Variants in CHST11 observed in about 807,000 individuals in gnomAD.
CHST11 encodes the protein C4S-1.
In CHST11, 9 loss-of-function variants were observed where a neutral mutation model predicts 30.4. The observed-to-expected ratio is 0.30, with a 90% CI of 0.18 to 0.52. The LOEUF (loss-of-function observed/expected upper bound fraction) is 0.52, where lower values mean the gene tolerates loss of function less well. Among genes scored for constraint, CHST11 ranks in the 20% least tolerant of loss-of-function variants. The pLI is 0.97. For missense variants in CHST11, 348 were observed against 460.6 expected, an observed-to-expected ratio of 0.76 and a Z score of 2.24; for synonymous variants, 152 against 187.8, an observed-to-expected ratio of 0.81 and a Z score of 1.56.
intron 2 of CHST11, among the ~76,000 whole-genome samples, chr12:104,655,806 CAG>C (rs1361601850): frequency 2.6e-5 from 4 of 152,232 alleles, no homozygotes; most frequent in African/African-American, 9.6e-5. Flanking sequence ...GTATAGGTGA[CAG>C]AGAGTTCTTC....
chr12:104,507,043 G>C (rs760276136), intron 1 of CHST11, among the ~76,000 whole-genome samples: 8 of 152,182 alleles, frequency 5.3e-5, no homozygotes, highest in Non-Finnish European at 1.0e-4. Flanking sequence ...GAGCACAGCT[G>C]GGGAGAGAGC....
intron 1 of CHST11, among the ~76,000 whole-genome samples, chr12:104,491,763 T>C (rs2037749404): frequency 6.6e-6 from 1 of 152,182 alleles, no homozygotes; most frequent in African/African-American, 2.4e-5. Flanking sequence ...AGGTGTGAGC[T>C]ACTATACTCG....
intron 1 of CHST11, among the ~76,000 whole-genome samples, chr12:104,473,559 G>A (rs2037530697): frequency 1.3e-5 from 2 of 152,198 alleles, no homozygotes; most frequent in South Asian, 2.1e-4. Flanking sequence ...TCCTGGAAGC[G>A]AGACCCAAGT....
chr12:104,482,583 C>A (rs906629830), intron 1 of CHST11, among the ~76,000 whole-genome samples: 1 of 151,976 alleles, frequency 6.6e-6, no homozygotes, highest in Non-Finnish European at 1.5e-5. Context: ...TTGCTTAGAT[C>A]GATGAGACAA....
intron 2 of CHST11, among the ~76,000 whole-genome samples, chr12:104,660,723 T>C (rs190278150): frequency 7.3e-4 from 111 of 152,244 alleles, no homozygotes; most frequent in African/African-American, 2.6e-3. Flanking sequence ...GAAACCCAGC[T>C]CTTGTAAAGG....
chr12:104,533,433 G>T (rs901664388), intron 1 of CHST11, among the ~76,000 whole-genome samples: 10 of 152,142 alleles, frequency 6.6e-5, no homozygotes, highest in African/African-American at 2.4e-4. Context: ...AAGCACCTGG[G>T]GAAGAACTTA....
At position 104,488,651 on chromosome 12, in the gene CHST11, G is replaced by GTA. The variant is rs535429103; in HGVS notation, c.118+31123_118+31124insAT. 1.6e-3 allele frequency among the ~76,000 whole-genome samples: 240 copies of GTA among 151,576 alleles called. 1 individual carries two copies. Among genetic ancestry groups the GTA allele is most frequent in the Admixed American group, 2.7e-3 (41 of 15,222 alleles). On this transcript the variant is annotated intron_variant, in intron 1 of 2. Transcript: ENST00000303694. Reference sequence around the variant, plus strand: ...TATGTGTGTGTGCGTGTGTATGTGTGTGTGTATGTGTGCGTGTATGTGTAT... The same window carrying GTA: ...TATGTGTGTGTGCGTGTGTATGTGTGTATGTGTATGTGTGCGTGTATGTGTAT...
Position 104,757,399 on chromosome 12 carries a change from C to T in CHST11, c.655C>T (p.Arg219Cys), listed in dbSNP as rs763247584. The T allele has an allele frequency of 1.4e-5, 22 of 1,613,988 alleles. No individual in the cohort carries two copies. The East Asian group carries it at 1.6e-4, about 11-fold the overall frequency. Residue 219 changes from arginine to cysteine, a missense_variant, in exon 3 of 3, where the codon CGC becomes TGC. Coordinates refer to ENST00000303694, the MANE Select transcript of CHST11 (RefSeq NM_018413.6). This position sits in a 1 kb window ranked among gnomAD's most constrained non-coding sequence, Gnocchi z 6.5. The part of the protein sequence containing the change: ...HKRYGTKIIK[R>C]QRKNATQEAL... The stretch of plus-strand genomic sequence containing the variant: ...GCGGTACGGCACCAAGATCATCAAA[C>T]GCCAGCGGAAGAACGCCACCCAGGA...
At chr12:104,709,019 G>C (rs2040061458) in intron 2 of CHST11, among the ~76,000 whole-genome samples, 1 of 152,218 alleles carries the variant, frequency 6.6e-6, no homozygotes, top group Non-Finnish European at 1.5e-5. Flanking sequence ...CCCAAGGACA[G>C]AGCATGTTCA....
intron 2 of CHST11, among the ~76,000 whole-genome samples, chr12:104,641,917 G>A (rs2039380656): frequency 6.6e-6 from 1 of 152,142 alleles, no homozygotes; most frequent in Non-Finnish European, 1.5e-5. Flanking sequence ...GGGGGATTTT[G>A]CACCCCATCC....
At chr12:104,521,237 C>G in intron 1 of CHST11, among the ~76,000 whole-genome samples, 1 of 152,204 alleles carries the variant, frequency 6.6e-6, no homozygotes, top group Non-Finnish European at 1.5e-5. Context: ...CCACCTTTTC[C>G]CTTCCCATAT....
intron 1 of CHST11, among the ~76,000 whole-genome samples, chr12:104,580,086 G>A (rs185604791): frequency 3.3e-5 from 5 of 152,290 alleles, no homozygotes; most frequent in Admixed American, 2.6e-4. Flanking sequence ...CAATAAAAGC[G>A]TCGTCTTTTT....
intron 1 of CHST11, among the ~76,000 whole-genome samples, chr12:104,596,621 C>T (rs949902992): frequency 3.3e-5 from 5 of 152,046 alleles, no homozygotes; most frequent in African/African-American, 9.7e-5. Context: ...GTTACTTAAC[C>T]TCTCTGGGCT....
In CHST11 at chr12:104,738,478, A is replaced by G. The variant is rs532841222; in HGVS notation, c.205-18471A>G. On this transcript the variant is annotated intron_variant, in intron 2 of 2. Coordinates refer to ENST00000303694, the MANE Select transcript of CHST11 (RefSeq NM_018413.6). Reference sequence around the variant, plus strand: ...TGCGTCCATGGCACCTGTGCTTAATAAAAGCAGTGAACATGAACTAAACAC... The same window carrying G: ...TGCGTCCATGGCACCTGTGCTTAATGAAAGCAGTGAACATGAACTAAACAC... Among the ~76,000 whole-genome samples, 3 of 152,326 alleles carry G rather than the reference A, an allele frequency of 2.0e-5. 1 individual carries two copies. The highest frequency in any genetic ancestry group is 7.2e-5 in the African/African-American group (3 of 41,564).
At chr12:104,518,290 A>C (rs2038044311) in intron 1 of CHST11, among the ~76,000 whole-genome samples, 1 of 152,056 alleles carries the variant, frequency 6.6e-6, no homozygotes, top group African/African-American at 2.4e-5. Flanking sequence ...CTGTCTCAAA[A>C]AAATAAACAT....
intron 1 of CHST11, among the ~76,000 whole-genome samples, chr12:104,538,757 T>C (rs545347477): frequency 2.6e-5 from 4 of 152,364 alleles, no homozygotes; most frequent in African/African-American, 9.6e-5. Context: ...GTGCATATTC[T>C]AATTCAGCAT....
intron 1 of CHST11, among the ~76,000 whole-genome samples, chr12:104,500,769 G>A (rs1186097785): frequency 6.6e-6 from 1 of 152,214 alleles, no homozygotes; most frequent in Admixed American, 6.5e-5. Context: ...GGTGTGGGGT[G>A]TGTCCACAGA....
At chr12:104,747,135 C>T (rs112459756) in intron 2 of CHST11, among the ~76,000 whole-genome samples, 90 of 152,332 alleles carry the variant, frequency 5.9e-4, no homozygotes, top group African/African-American at 2.1e-3. Context: ...ACTCAGTCCT[C>T]AGTGTTTAAA....
chr12:104,629,332 G>T (rs2039249491), intron 2 of CHST11, among the ~76,000 whole-genome samples: 1 of 152,156 alleles, frequency 6.6e-6, no homozygotes, highest in Non-Finnish European at 1.5e-5. Flanking sequence ...GAAGCTTAGG[G>T]TCCTTGAAGC....
Sources: gnomAD v4.1 joint callset for allele counts (sites outside exome capture counted in the v4.1 genomes callset) on GRCh38, gnomAD v4.1.1 for gene constraint, Gnocchi (gnomAD v3.1) non-coding constraint, MANE v1.5 for transcripts, NCBI Gene and HGNC (gene_info 2026-07-23, HGNC 2026-07-21) for gene names.